Variants in CDH18 observed in about 807,000 individuals in gnomAD.
CDH18 encodes cadherin-18.
In CDH18, 31 loss-of-function variants were observed where a neutral mutation model predicts 67.9. The ratio of observed to expected loss-of-function variants is 0.46; its 90% CI spans 0.34 to 0.62. The LOEUF is 0.62. CDH18 is among the 20% of genes least tolerant of loss of function. The probability of loss-of-function intolerance (pLI) is 0.01; values close to 1 mark genes in which losing one functional copy is unlikely to be tolerated. For missense variants in CDH18, 890 were observed against 975.5 expected (o/e 0.91, Z 1.17); for synonymous variants, 362 against 347.2 (o/e 1.04, Z -0.48).
chr5:19,546,125 G>A (rs1304699839), intron 8 of CDH18, among the ~76,000 whole-genome samples: 2 of 152,066 alleles, frequency 1.3e-5, no homozygotes, highest in Non-Finnish European at 2.9e-5. Flanking sequence ...AGGTTAGTGA[G>A]GGTTAATTGG....
chr5:20,394,217 C>T (rs1034754911), intron 1 of CDH18, among the ~76,000 whole-genome samples: 2 of 151,176 alleles, frequency 1.3e-5, no homozygotes, highest in African/African-American at 4.9e-5. Context: ...TAGATACACA[C>T]ACCAGTGGAA....
At chr5:19,700,347 C>T (rs1246077101) in intron 5 of CDH18, among the ~76,000 whole-genome samples, 3 of 152,070 alleles carry the variant, frequency 2.0e-5, no homozygotes, top group African/African-American at 4.8e-5. Flanking sequence ...AAAATCATAA[C>T]GTTACAATCT....
intron 1 of CDH18, among the ~76,000 whole-genome samples, chr5:20,404,691 A>G (rs552384551): frequency 1.3e-5 from 2 of 152,260 alleles, no homozygotes; most frequent in South Asian, 4.1e-4. Flanking sequence ...CACAACATGC[A>G]CAATAATAGT....
At chr5:20,371,716 T>C (rs946585840) in intron 1 of CDH18, among the ~76,000 whole-genome samples, 1 of 152,136 alleles carries the variant, frequency 6.6e-6, no homozygotes, top group African/African-American at 2.4e-5. Context: ...GGAGAGATAG[T>C]GCAGCACATG....
chr5:20,143,699 G>T (rs1423238472), intron 2 of CDH18, among the ~76,000 whole-genome samples: 2 of 152,168 alleles, frequency 1.3e-5, no homozygotes, highest in East Asian at 3.9e-4. Context: ...AGTGTTGAAG[G>T]CATGGTGTGG....
chr5:20,370,979 G>A (rs541329884), intron 1 of CDH18, among the ~76,000 whole-genome samples: 32 of 151,446 alleles, frequency 2.1e-4, no homozygotes, highest in Non-Finnish European at 4.0e-4. Flanking sequence ...GGAGGTTGCA[G>A]TGAGCTGAGA....
At chr5:20,400,241 G>T (rs1017278539) in intron 1 of CDH18, among the ~76,000 whole-genome samples, 1 of 152,058 alleles carries the variant, frequency 6.6e-6, no homozygotes, top group African/African-American at 2.4e-5. Flanking sequence ...GACCCTTTGG[G>T]AGCTGAGACG....
intron 1 of CDH18, among the ~76,000 whole-genome samples, chr5:20,406,117 T>C (rs1379376911): frequency 6.6e-6 from 1 of 152,120 alleles, no homozygotes; most frequent in East Asian, 1.9e-4. Flanking sequence ...CATGCTGCTA[T>C]AAAGACACAT....
At chr5:20,258,666 A>C (rs997250731) in intron 1 of CDH18, among the ~76,000 whole-genome samples, 1 of 152,110 alleles carries the variant, frequency 6.6e-6, no homozygotes, top group Admixed American at 6.6e-5. Context: ...ATTATTTTTC[A>C]ATTCAATGCC....
intron 10 of CDH18, among the ~76,000 whole-genome samples, chr5:19,512,071 G>A (rs1481113208): frequency 1.3e-5 from 2 of 152,030 alleles, no homozygotes; most frequent in Non-Finnish European, 2.9e-5. Flanking sequence ...TAGCTAAAAG[G>A]GGCCAATACA....
chr5:19,994,779 A>G (rs1357520410), intron 2 of CDH18, among the ~76,000 whole-genome samples: 1 of 98,390 alleles, frequency 1.0e-5, no homozygotes, highest in African/African-American at 4.2e-5. Flanking sequence ...AGAGAGAGAG[A>G]GAGAGAGAGA....
At chr5:20,402,518 G>A (rs28540422) in intron 1 of CDH18, among the ~76,000 whole-genome samples, 7,236 of 152,242 alleles carry the variant, frequency 0.048, 467 homozygotes, top group African/African-American at 0.15. Flanking sequence ...ACAGTAAAGT[G>A]AAGATAGAAA....
At chr5:20,312,929 C>T (rs939354701) in intron 1 of CDH18, among the ~76,000 whole-genome samples, 59 of 151,840 alleles carry the variant, frequency 3.9e-4, no homozygotes, top group African/African-American at 1.4e-3. Flanking sequence ...TTCTTTAAAT[C>T]CCCCCAATTA....
Position 19,899,092 on chromosome 5 carries a change from C to G in CDH18, c.-256-59850G>C, listed in dbSNP as rs370679844. Reference sequence around the variant, plus strand: ...TGCTAATAATCAGCAAAATGCAAATCAAAACCAAAATAAGATATCGTCTCA... The same window carrying G: ...TGCTAATAATCAGCAAAATGCAAATGAAAACCAAAATAAGATATCGTCTCA... On this transcript the variant is annotated intron_variant, in intron 2 of 12. Transcript: ENST00000382275. Among the ~76,000 whole-genome samples, 3 of 152,194 alleles carry G rather than the reference C, an allele frequency of 2.0e-5. No individual in the cohort carries two copies. In the East Asian group the frequency reaches 5.8e-4, roughly 29 times the overall value.
At chr5:20,089,878 A>G (rs1745275772) in intron 2 of CDH18, among the ~76,000 whole-genome samples, 2 of 152,172 alleles carry the variant, frequency 1.3e-5, no homozygotes, top group Admixed American at 1.3e-4. Context: ...TCAACATATT[A>G]AAGAAATTTC....
In CDH18 at chr5:19,859,989, GGT is replaced by G. The variant is rs3065070; in HGVS notation, c.-256-20749_-256-20748del. On this transcript the variant is annotated intron_variant, in intron 2 of 12. Transcript: ENST00000382275. ...CTTATTAATTTACTTGTTTGCTTTG[GGT>G]GTGTGTGTGTGTGTGTGTGTGTGTG... 5.8e-3 allele frequency among the ~76,000 whole-genome samples: 831 copies of G among 143,238 alleles called. 3 individuals are homozygous for G. The highest frequency in any genetic ancestry group is 8.2e-3 in the Non-Finnish European group (544 of 66,070). 94.0% of individuals were successfully genotyped at this position (143,238 alleles called of 152,430 possible).
At chr5:20,506,043 A>G (rs914124909) in intron 1 of CDH18, among the ~76,000 whole-genome samples, 3 of 152,228 alleles carry the variant, frequency 2.0e-5, no homozygotes, top group Non-Finnish European at 4.4e-5. Flanking sequence ...GGGTAAGAAG[A>G]GAAAGAAAGG....
At chr5:19,770,968 C>A (rs141446516) in intron 3 of CDH18, among the ~76,000 whole-genome samples, 14 of 152,248 alleles carry the variant, frequency 9.2e-5, no homozygotes, top group African/African-American at 3.4e-4. Flanking sequence ...AACAAAAAGG[C>A]AATTAGTCCA....
At chr5:20,112,746 A>G (rs1479979280) in intron 2 of CDH18, among the ~76,000 whole-genome samples, 2 of 152,170 alleles carry the variant, frequency 1.3e-5, no homozygotes, top group African/African-American at 4.8e-5. Context: ...AATAAAAGTC[A>G]TTCTCCATAA....
Sources: allele counts gnomAD v4.1 joint callset (sites outside exome capture counted in the v4.1 genomes callset), GRCh38; gene constraint gnomAD v4.1.1; transcripts MANE v1.5; gene names NCBI Gene and HGNC (gene_info 2026-07-23, HGNC 2026-07-21).